SHROOM4: variants seen among roughly 807,000 people sequenced by gnomAD.
SHROOM4 encodes the protein shroom family member 4, also known as protein Shroom4.
Under a neutral mutation model 80.3 loss-of-function variants are expected in SHROOM4, and 17 were observed. The ratio of observed to expected loss-of-function variants is 0.21; its 90% CI spans 0.14 to 0.32. SHROOM4 has a LOEUF of 0.32. SHROOM4 is among the 10% of genes least tolerant of loss of function. SHROOM4 has a pLI of 1.00. For missense variants in SHROOM4, 993 were observed against 1,140.3 expected (o/e 0.87, Z 1.86); for synonymous variants, 400 against 437.5 (o/e 0.91, Z 1.07).
At chrX:50,666,101 C>A (rs1190580812) in intron 2 of SHROOM4, among the ~76,000 whole-genome samples, 9 of 111,924 alleles carry the variant, frequency 8.0e-5, no homozygotes, top group Non-Finnish European at 1.7e-4. Flanking sequence ...TGGAGTCAAA[C>A]ACAGAGACTG....
chrX:50,609,852 C>A (rs1234892122), intron 5 of SHROOM4, among the ~76,000 whole-genome samples: 1 of 110,343 alleles, frequency 9.1e-6, no homozygotes, highest in Non-Finnish European at 1.9e-5. Flanking sequence ...CAAATAAGTC[C>A]AGGTTTATTT....
intron 1 of SHROOM4, among the ~76,000 whole-genome samples, chrX:50,808,770 T>C (rs1375906590): frequency 9.0e-6 from 1 of 110,982 alleles, no homozygotes; most frequent in Non-Finnish European, 1.9e-5. Flanking sequence ...ATCATTTTAA[T>C]TTTTTTAAGG....
At chrX:50,654,221 G>T (rs1473228597) in intron 2 of SHROOM4, among the ~76,000 whole-genome samples, 1 of 111,613 alleles carries the variant, frequency 9.0e-6, no homozygotes, top group Admixed American at 9.5e-5. Context: ...AGCTGCCCTT[G>T]TCAGGGGGAG....
intron 1 of SHROOM4, among the ~76,000 whole-genome samples, chrX:50,737,707 G>GTC (rs1934530156): frequency 9.0e-6 from 1 of 111,150 alleles, no homozygotes; most frequent in African/African-American, 3.3e-5. Flanking sequence ...ACCAAAAAAA[G>GTC]TCCAGGACCA....
At chrX:50,784,767 C>G (rs1935705680) in intron 1 of SHROOM4, among the ~76,000 whole-genome samples, 1 of 112,009 alleles carries the variant, frequency 8.9e-6, no homozygotes, top group African/African-American at 3.2e-5. Flanking sequence ...TTAAACTGGA[C>G]TTTATGAAAA....
At chrX:50,630,229 C>T (rs1557253879) in intron 4 of SHROOM4, among the ~76,000 whole-genome samples, 1 of 108,816 alleles carries the variant, frequency 9.2e-6, no homozygotes, top group Non-Finnish European at 1.9e-5. Flanking sequence ...CTCCTCACTT[C>T]CCCCGCCCCA....
chrX:50,659,887 A>G (rs1932437693), intron 2 of SHROOM4, among the ~76,000 whole-genome samples: 1 of 112,309 alleles, frequency 8.9e-6, no homozygotes, highest in South Asian at 3.7e-4. Context: ...GCTTAACGAT[A>G]TATACTGGAG....
intron 2 of SHROOM4, among the ~76,000 whole-genome samples, chrX:50,689,817 G>T (rs1933175732): frequency 8.9e-6 from 1 of 111,821 alleles, no homozygotes; most frequent in African/African-American, 3.2e-5. Context: ...GTAATGAATT[G>T]TTACTGTCCT....
At chrX:50,613,933 A>G (rs1166850169) in intron 5 of SHROOM4, among the ~76,000 whole-genome samples, 1 of 112,303 alleles carries the variant, frequency 8.9e-6, no homozygotes, top group Non-Finnish European at 1.9e-5. Flanking sequence ...AGGCAGTCTC[A>G]CAAATAGAAA....
intron 5 of SHROOM4, among the ~76,000 whole-genome samples, chrX:50,619,171 T>C (rs1338950047): frequency 8.9e-6 from 1 of 111,758 alleles, no homozygotes; most frequent in East Asian, 2.8e-4. Flanking sequence ...TAATAGGAAT[T>C]GAAAATGAAA....
At position 50,675,510 on chromosome X, in the gene SHROOM4, G is replaced by A. The variant is rs782592801; in HGVS notation, c.269+20276C>T. ...GACCATTAAATGTGATCAGGAACAG[G>A]AAAGGAGGAGAGGGCATTCTTGTTT... is the stretch of plus-strand genomic sequence containing the variant. On this transcript the variant is annotated intron_variant, in intron 2 of 8. Transcript: ENST00000376020. 8.1e-5 allele frequency among the ~76,000 whole-genome samples: 9 copies of A among 111,073 alleles called. No homozygotes were observed. In the South Asian group the frequency reaches 3.5e-3, roughly 43 times the overall value.
intron 8 of SHROOM4, among the ~76,000 whole-genome samples, 153 bp downstream of exon 8, chrX:50,598,113 A>G (rs1408409676): frequency 9.0e-6 from 1 of 111,669 alleles, no homozygotes; most frequent in Non-Finnish European, 1.9e-5. Flanking sequence ...TACTGGGATT[A>G]CAGACATGAG....
chrX:50,648,240 TA>T (rs1931913374), intron 2 of SHROOM4, among the ~76,000 whole-genome samples: 1 of 111,513 alleles, frequency 9.0e-6, no homozygotes, highest in African/African-American at 3.3e-5. Flanking sequence ...GGGCTGACAG[TA>T]TTTGTTGATG....
At chrX:50,812,748 C>A (rs782079620) in intron 1 of SHROOM4, among the ~76,000 whole-genome samples, 1 of 68,786 alleles carries the variant, frequency 1.5e-5, no homozygotes, top group Non-Finnish European at 3.1e-5. Flanking sequence ...TTGAACCCCA[C>A]CCCCCCGCAA....
intron 1 of SHROOM4, among the ~76,000 whole-genome samples, chrX:50,810,465 T>G (rs984809448): frequency 5.4e-5 from 6 of 110,880 alleles, no homozygotes; most frequent in African/African-American, 2.0e-4. Context: ...CCGCTTCTGG[T>G]TTTTTTTCCA....
chrX:50,752,569 T>C (rs782545208), intron 1 of SHROOM4, among the ~76,000 whole-genome samples: 3 of 112,180 alleles, frequency 2.7e-5, no homozygotes, highest in South Asian at 3.7e-4. Flanking sequence ...AGGACCCTCT[T>C]TGAAACATAT....
rs72619076 is a variant in SHROOM4 at position 50,713,763 on chromosome X, G to A, written c.118-17826C>T. Among the ~76,000 whole-genome samples the A allele has an allele frequency of 6.2e-4, 70 of 112,148 alleles. No individual in the cohort carries two copies. The East Asian group carries it at 0.012, about 20-fold the overall frequency. Reference sequence around the variant, plus strand: ...ATTGCTTTATTTTCTTCCATTCAACGTGTTGTCTCTTCACTGTTTATTGCT... The same window carrying A: ...ATTGCTTTATTTTCTTCCATTCAACATGTTGTCTCTTCACTGTTTATTGCT... On this transcript the variant is annotated intron_variant, in intron 1 of 8. Coordinates refer to ENST00000376020, the MANE Select transcript of SHROOM4 (RefSeq NM_020717.5).
chrX:50,744,263 C>T (rs970279560), intron 1 of SHROOM4, among the ~76,000 whole-genome samples: 4 of 111,687 alleles, frequency 3.6e-5, no homozygotes, highest in African/African-American at 6.5e-5. Context: ...GTTTCCCACA[C>T]ATATATGAAG....
intron 2 of SHROOM4, among the ~76,000 whole-genome samples, chrX:50,662,432 C>T (rs1932540573): frequency 9.1e-6 from 1 of 109,389 alleles, no homozygotes; most frequent in Non-Finnish European, 1.9e-5. Context: ...ACCTGGGAGG[C>T]AGAGGTTGCA....
Sources: gnomAD v4.1 joint callset for allele counts (sites outside exome capture counted in the v4.1 genomes callset) on GRCh38, gnomAD v4.1.1 for gene constraint, MANE v1.5 for transcripts, NCBI Gene and HGNC (gene_info 2026-07-23, HGNC 2026-07-21) for gene names.